The following FAM135B variants were observed in gnomAD, a reference collection of about 807,000 sequenced individuals.
FAM135B encodes the protein protein FAM135B.
FAM135B carries 43 observed loss-of-function variants against 127.7 expected under a neutral mutation model. The ratio of observed to expected loss-of-function variants is 0.34; its 90% CI spans 0.26 to 0.43. FAM135B has a LOEUF of 0.43. Ranked by LOEUF, FAM135B falls within the 20% of genes least tolerant of loss-of-function variation. FAM135B has a pLI of 1.00. For missense variants in FAM135B, 1,558 were observed against 1,725.6 expected (o/e 0.90, Z 1.72); for synonymous variants, 670 against 665.1 (o/e 1.01, Z -0.11).
At chr8:138,153,587 C>A (rs1818395571) in intron 12 of FAM135B, among the ~76,000 whole-genome samples, 1 of 152,206 alleles carries the variant, frequency 6.6e-6, no homozygotes, top group South Asian at 2.1e-4. Flanking sequence ...CACTCCCACC[C>A]TAATACTGCA....
chr8:138,165,356 G>C (rs962453737), intron 12 of FAM135B, among the ~76,000 whole-genome samples: 3 of 151,998 alleles, frequency 2.0e-5, no homozygotes, highest in African/African-American at 7.3e-5. Flanking sequence ...CCGACCTCAG[G>C]TGATCCACCC....
At chr8:138,282,724 G>A (rs949398456) in intron 3 of FAM135B, among the ~76,000 whole-genome samples, 4 of 152,096 alleles carry the variant, frequency 2.6e-5, no homozygotes, top group Non-Finnish European at 4.4e-5. Context: ...TCTCATTCAC[G>A]ACATGTGGGA....
chr8:138,417,812 A>T (rs1424283192), intron 1 of FAM135B, among the ~76,000 whole-genome samples: 1 of 152,154 alleles, frequency 6.6e-6, no homozygotes, highest in Non-Finnish European at 1.5e-5. Context: ...AAAATACAGT[A>T]ATTTTAAACA....
chr8:138,172,056 T>A (rs1367739721), intron 11 of FAM135B, among the ~76,000 whole-genome samples: 1 of 152,136 alleles, frequency 6.6e-6, no homozygotes, highest in Non-Finnish European at 1.5e-5. Context: ...TGGTGTTCTG[T>A]GGAGAATAAA....
chr8:138,138,132 T>G (rs560857111), intron 18 of FAM135B, among the ~76,000 whole-genome samples: 1 of 152,288 alleles, frequency 6.6e-6, no homozygotes, highest in Non-Finnish European at 1.5e-5. Flanking sequence ...CCTGCACCCC[T>G]GATGGACTCT....
At chr8:138,396,172 C>T (rs1198432315) in intron 1 of FAM135B, among the ~76,000 whole-genome samples, 1 of 152,184 alleles carries the variant, frequency 6.6e-6, no homozygotes, top group Non-Finnish European at 1.5e-5. Flanking sequence ...GCTCTGTGGC[C>T]TTGGGGTACA....
chr8:138,206,391 ACCTACACACAGCTCTATCG>A (rs1817608154), intron 7 of FAM135B, among the ~76,000 whole-genome samples: 2 of 148,650 alleles, frequency 1.3e-5, no homozygotes, highest in South Asian at 2.1e-4. Context: ...CATCCCCTCC[ACCTACACACAGCTCTATCG>A]TCCCCTCCAC....
chr8:138,399,859 G>A (rs369027565), intron 1 of FAM135B, among the ~76,000 whole-genome samples: 2 of 152,150 alleles, frequency 1.3e-5, no homozygotes, highest in East Asian at 3.9e-4. Context: ...CCCAACCCCA[G>A]CATCAGAGGA....
intron 4 of FAM135B, among the ~76,000 whole-genome samples, chr8:138,265,105 T>C (rs79336510): frequency 6.6e-6 from 1 of 152,274 alleles, no homozygotes; most frequent in Non-Finnish European, 1.5e-5. Context: ...GGGCTTGCAA[T>C]GATGCTGTTT....
intron 2 of FAM135B, chr8:138,367,494 G>A (rs1223305120): frequency 2.2e-6 from 1 of 457,444 alleles, no homozygotes; most frequent in Admixed American, 2.4e-5. Context: ...AAAGATCTAG[G>A]CACAAGTGTT....
Position 138,309,668 on chromosome 8 carries a change from C to T in FAM135B, c.157+1173G>A, listed in dbSNP as rs547876035. 1.2e-3 allele frequency among the ~76,000 whole-genome samples: 186 copies of T among 152,280 alleles called. 1 individual carries two copies. Among genetic ancestry groups the T allele is most frequent in the African/African-American group, 4.2e-3 (173 of 41,560 alleles). On this transcript the variant is annotated intron_variant, in intron 3 of 19. Transcript: ENST00000395297. ...GTATTCAATTGCATGTGATTCCTCT[C>T]ACCATAACACGTTGCAAATTCCAAG... is the stretch of plus-strand genomic sequence containing the variant.
rs375068028 is a variant in FAM135B, at chr8:138,242,851, G to C, written c.669+91C>G. 147 of 1,479,624 alleles carry C rather than the reference G, an allele frequency of 9.9e-5. No homozygotes were observed. Among genetic ancestry groups the C allele is most frequent in the Non-Finnish European group, 1.3e-4 (144 of 1,108,000 alleles). The allele number at this position is 1,479,624 out of a possible 1,614,324, so 91.7% of individuals were successfully genotyped here. ...CAAATTAGCAAAAATCTCTGAAGGG[G>C]ATGTTTCAAAGAAGCATGAATCTCA... On this transcript the variant is annotated intron_variant, in intron 7 of 19. Coordinates refer to ENST00000395297, the MANE Select transcript of FAM135B (RefSeq NM_015912.4). This position sits in a 1 kb window ranked among gnomAD's most constrained non-coding sequence, Gnocchi z 9.6.
rs1259777153 is a variant in FAM135B, at chr8:138,137,004, G to A, written c.4015+143C>T. The A allele has an allele frequency of 1.1e-5, 7 of 622,182 alleles. No homozygotes were observed. In the African/African-American group the frequency reaches 1.3e-4, roughly 11 times the overall value. The allele number at this position is 622,182 out of a possible 1,614,324, so 38.5% of individuals were successfully genotyped here. ...ATCTGGCACAGTAACATCGAGATGA[G>A]CTATGTTTGTCCTATCACTAAGCTA... On this transcript the variant is annotated intron_variant, in intron 19 of 19. Transcript: ENST00000395297.
intron 1 of FAM135B, among the ~76,000 whole-genome samples, chr8:138,396,816 T>C (rs1396734339): frequency 6.6e-6 from 1 of 152,032 alleles, no homozygotes; most frequent in Non-Finnish European, 1.5e-5. Context: ...GCTTTGCAAA[T>C]AAGGAAGCCC....
Position 138,153,163 on chromosome 8 carries a change from T to A in FAM135B, c.1312A>T (p.Ile438Leu), listed in dbSNP as rs2130793319. Residue 438 changes from isoleucine (I) to leucine (L), a missense_variant, in exon 13 of 20, where the codon ATA becomes TTA. This residue lies in a region of FAM135B where 923 missense variants were observed against 865.3 expected (regional missense o/e 1.07). Coordinates refer to ENST00000395297, the MANE Select transcript of FAM135B (RefSeq NM_015912.4). ...NFDVPVTSPT[I>L]MNLKDKEDNC... ...TCTTCCTTGTCTTTCAGATTCATTA[T>A]TGTAGGACTTGTCACTGGAACATCA... is the stretch of plus-strand genomic sequence containing the variant. 6.2e-7 allele frequency: 1 copy of A among 1,605,510 alleles called. No individual in the cohort carries two copies. The highest frequency in any genetic ancestry group is 1.1e-5 in the South Asian group (1 of 90,022).
At chr8:138,338,313 T>A (rs1461077301) in intron 2 of FAM135B, among the ~76,000 whole-genome samples, 1 of 151,170 alleles carries the variant, frequency 6.6e-6, no homozygotes, top group Non-Finnish European at 1.5e-5. Flanking sequence ...ACCATCAGAG[T>A]GAACAGGCAA....
chr8:138,307,748 A>T (rs1587034290), intron 3 of FAM135B, among the ~76,000 whole-genome samples: 1 of 151,854 alleles, frequency 6.6e-6, no homozygotes, highest in Non-Finnish European at 1.5e-5. Flanking sequence ...AAAAAAAAAA[A>T]AAAAGAGAGA....
chr8:138,476,605 T>C (rs1587544262), intron 1 of FAM135B, among the ~76,000 whole-genome samples: 1 of 152,056 alleles, frequency 6.6e-6, no homozygotes, highest in Non-Finnish European at 1.5e-5. Context: ...CATGAACCTA[T>C]TGAATCAATC....
intron 1 of FAM135B, among the ~76,000 whole-genome samples, chr8:138,470,938 A>T (rs886833260): frequency 1.3e-5 from 2 of 152,254 alleles, no homozygotes; most frequent in African/African-American, 4.8e-5. Flanking sequence ...CTGTGCTCCA[A>T]TGAACTCTCT....
Sources: gnomAD v4.1 joint callset for allele counts (sites outside exome capture counted in the v4.1 genomes callset) on GRCh38, gnomAD v4.1.1 for gene constraint, gnomAD v4.1.1 regional missense constraint, Gnocchi (gnomAD v3.1) non-coding constraint, MANE v1.5 for transcripts, NCBI Gene and HGNC (gene_info 2026-07-23, HGNC 2026-07-21) for gene names.